The following RMST variants were observed in gnomAD, a reference collection of about 807,000 sequenced individuals.
The protein encoded by RMST is rhabdomyosarcoma 2 associated transcript.
intron 10 of RMST, among the ~76,000 whole-genome samples, chr12:97,519,209 T>G (rs1880259322): frequency 6.6e-6 from 1 of 152,264 alleles, no homozygotes; most frequent in South Asian, 2.1e-4. Context: ...ATAATTCTTC[T>G]CTTTGTCTCT....
At chr12:97,556,728 A>G (rs896465899) in intron 11 of RMST, among the ~76,000 whole-genome samples, 31 of 152,166 alleles carry the variant, frequency 2.0e-4, no homozygotes, top group African/African-American at 5.8e-4. Flanking sequence ...AGGCATGTTC[A>G]TGGGCAAACA....
At chr12:97,510,338 A>C (rs1879145262) in intron 10 of RMST, among the ~76,000 whole-genome samples, 1 of 152,214 alleles carries the variant, frequency 6.6e-6, no homozygotes, top group African/African-American at 2.4e-5. Context: ...GCCCACAGAG[A>C]AAATAAGATC....
intron 5 of RMST, among the ~76,000 whole-genome samples, chr12:97,466,412 G>T (rs913799050): frequency 3.3e-5 from 5 of 152,168 alleles, no homozygotes; most frequent in Non-Finnish European, 5.9e-5. Flanking sequence ...TATATAAGTG[G>T]TTAATTTCCC....
chr12:97,552,074 G>A (rs1018143921), intron 11 of RMST: 11 of 152,120 alleles, frequency 7.2e-5, no homozygotes, highest in African/African-American at 2.7e-4. Context: ...ATTCCCCCCA[G>A]CCTCTGAGGT....
chr12:97,513,477 C>T (rs1879628298), intron 10 of RMST, among the ~76,000 whole-genome samples: 2 of 152,134 alleles, frequency 1.3e-5, no homozygotes, highest in South Asian at 2.1e-4. Context: ...ACTATGTGCT[C>T]GATGTTGAAG....
intron 10 of RMST, among the ~76,000 whole-genome samples, chr12:97,500,356 G>A (rs1397565128): frequency 1.3e-5 from 2 of 152,078 alleles, no homozygotes; most frequent in Non-Finnish European, 2.9e-5. Flanking sequence ...TTCAGTCCAC[G>A]ATTCATGGAC....
chr12:97,528,956 C>G (rs951179765), intron 10 of RMST, among the ~76,000 whole-genome samples: 1 of 152,000 alleles, frequency 6.6e-6, no homozygotes, highest in Admixed American at 6.6e-5. Flanking sequence ...CACTCTTGTC[C>G]TGTTATTTCT....
intron 5 of RMST, among the ~76,000 whole-genome samples, chr12:97,479,687 A>G (rs1459505438): frequency 1.3e-5 from 2 of 151,650 alleles, no homozygotes; most frequent in African/African-American, 2.4e-5. Flanking sequence ...TCCTTCCTGG[A>G]CTTCCCTTCT....
chr12:97,512,061 T>C (rs1227628405), intron 10 of RMST, among the ~76,000 whole-genome samples: 4 of 152,174 alleles, frequency 2.6e-5, no homozygotes, highest in Non-Finnish European at 4.4e-5. Flanking sequence ...GATGTTCAGA[T>C]GTGTTCGGAG....
chr12:97,549,392 CA>C (rs1883164984), intron 11 of RMST, among the ~76,000 whole-genome samples: 2 of 152,176 alleles, frequency 1.3e-5, no homozygotes, highest in East Asian at 3.9e-4. Context: ...GCCTGAAAGC[CA>C]AAAGTAGCTT....
chr12:97,554,438 G>T (rs1883548257), intron 11 of RMST, among the ~76,000 whole-genome samples: 1 of 151,822 alleles, frequency 6.6e-6, no homozygotes, highest in African/African-American at 2.4e-5. Flanking sequence ...AATAAAACAG[G>T]GCCTACAAAA....
intron 5 of RMST, among the ~76,000 whole-genome samples, chr12:97,478,196 G>A (rs1016786234): frequency 3.3e-5 from 5 of 152,126 alleles, no homozygotes; most frequent in African/African-American, 1.2e-4. Flanking sequence ...AAAATGGAAG[G>A]CTCTTTGTAT....
At chr12:97,470,771 C>CT (rs1873818147) in intron 5 of RMST, among the ~76,000 whole-genome samples, 1 of 151,912 alleles carries the variant, frequency 6.6e-6, no homozygotes, top group African/African-American at 2.4e-5. Context: ...GTTTTACACT[C>CT]TAAGTGATTA....
At chr12:97,524,863 G>C (rs145578664) in intron 10 of RMST, among the ~76,000 whole-genome samples, 135 of 152,336 alleles carry the variant, frequency 8.9e-4, no homozygotes, top group African/African-American at 3.0e-3. Flanking sequence ...TGAGCAATGT[G>C]TTCTCCAATT....
At chr12:97,470,287 G>C (rs1873755882) in intron 5 of RMST, among the ~76,000 whole-genome samples, 1 of 151,990 alleles carries the variant, frequency 6.6e-6, no homozygotes, top group South Asian at 2.1e-4. Flanking sequence ...TGACATACTG[G>C]CTAAGAGTTC....
intron 5 of RMST, among the ~76,000 whole-genome samples, chr12:97,466,457 C>T (rs1230906207): frequency 6.6e-6 from 1 of 151,992 alleles, no homozygotes; most frequent in Non-Finnish European, 1.5e-5. Context: ...GACAAGTACT[C>T]CTCGGTATGT....
intron 5 of RMST, among the ~76,000 whole-genome samples, chr12:97,488,515 C>G (rs982193306): frequency 6.6e-6 from 1 of 152,162 alleles, no homozygotes; most frequent in Non-Finnish European, 1.5e-5. Flanking sequence ...TATCTGGTCT[C>G]TGAGGTACTG....
chr12:97,495,794 G>A (rs182900208), intron 9 of RMST: 1 of 152,240 alleles, frequency 6.6e-6, no homozygotes, highest in Admixed American at 6.6e-5. Flanking sequence ...TGTGAAGAAG[G>A]TCTGGGATGA....
chr12:97,514,790 G>A (rs61943700), intron 10 of RMST, among the ~76,000 whole-genome samples: 2 of 151,402 alleles, frequency 1.3e-5, no homozygotes, highest in Non-Finnish European at 2.9e-5. Flanking sequence ...ACTTATAAAA[G>A]GGAAAAAAAT....
Sources: allele counts gnomAD v4.1 joint callset (sites outside exome capture counted in the v4.1 genomes callset), GRCh38; gene constraint gnomAD v4.1.1; transcripts MANE v1.5; gene names NCBI Gene and HGNC (gene_info 2026-07-23, HGNC 2026-07-21).